NRXN3: variants seen among roughly 807,000 people sequenced by gnomAD.
NRXN3 encodes neurexin 3, also known as neurexin III.
A neutral mutation model predicts 137.6 loss-of-function variants in NRXN3; 32 were observed. The observed-to-expected ratio is 0.23, with a 90% CI of 0.18 to 0.31. The LOEUF is 0.31. NRXN3 is among the 10% of genes least tolerant of loss of function. The pLI, the probability that NRXN3 is intolerant of heterozygous loss-of-function variation, is 1.00. For synonymous variants in NRXN3, 798 were observed against 784.5 expected (o/e 1.02, Z -0.29); for missense variants, 1,574 against 2,062.5 (o/e 0.76, Z 4.59).
intron 19 of NRXN3, among the ~76,000 whole-genome samples, chr14:79,717,639 A>G (rs2098828027): frequency 6.6e-6 from 1 of 152,232 alleles, no homozygotes. Context: ...ACCTTCTGAA[A>G]ATAATGCTCC....
intron 10 of NRXN3, among the ~76,000 whole-genome samples, chr14:78,871,754 T>C (rs559340204): frequency 2.0e-5 from 3 of 152,260 alleles, no homozygotes; most frequent in Non-Finnish European, 4.4e-5. Context: ...CCCTGATTTA[T>C]CTACTCAGAC....
At chr14:78,702,497 T>G (rs1279890311) in intron 6 of NRXN3, among the ~76,000 whole-genome samples, 2 of 131,690 alleles carry the variant, frequency 1.5e-5, no homozygotes, top group Non-Finnish European at 3.1e-5. Flanking sequence ...CAGGCTGGAG[T>G]GTAGTGGTGC....
chr14:79,096,385 C>T lies in NRXN3; in HGVS notation c.3262+108244C>T, dbSNP rs775702215. Among the ~76,000 whole-genome samples, 7 of 152,206 alleles carry T rather than the reference C, an allele frequency of 4.6e-5. No homozygotes were observed. The East Asian group carries it at 9.7e-4, about 21-fold the overall frequency. On this transcript the variant is annotated intron_variant, in intron 15 of 20. Coordinates refer to ENST00000335750, the MANE Select transcript of NRXN3 (RefSeq NM_001330195.2). ...TTGGCCTCCCAAAGTGCTAGGATTA[C>T]AGGCATGAGCCACCGTGCCCGGCTT...
chr14:79,810,259 AT>A (rs1384867832), intron 20 of NRXN3, among the ~76,000 whole-genome samples: 3 of 152,128 alleles, frequency 2.0e-5, no homozygotes, highest in African/African-American at 7.2e-5. Flanking sequence ...AACCACATTG[AT>A]TCATCCAGTC....
At chr14:79,224,949 A>G (rs773132783) in intron 15 of NRXN3, among the ~76,000 whole-genome samples, 1 of 152,132 alleles carries the variant, frequency 6.6e-6, no homozygotes, top group Non-Finnish European at 1.5e-5. Context: ...TTAATCTATT[A>G]AGTCACCCAG....
chr14:78,758,487 A>C (rs2098678909), intron 8 of NRXN3, among the ~76,000 whole-genome samples: 1 of 152,136 alleles, frequency 6.6e-6, no homozygotes, highest in Non-Finnish European at 1.5e-5. Flanking sequence ...CCTATGAAAA[A>C]AATGGCCAAA....
At chr14:79,663,714 A>C (rs2098545299) in intron 16 of NRXN3, 64 bp from the exon 17 acceptor site, 1 of 1,457,532 alleles carries the variant, frequency 6.9e-7, no homozygotes, top group Non-Finnish European at 9.4e-7. Flanking sequence ...TTGGAGGATC[A>C]AGTTTAAAGG....
chr14:78,752,766 C>A (rs1305948058), intron 8 of NRXN3, among the ~76,000 whole-genome samples: 2 of 152,146 alleles, frequency 1.3e-5, no homozygotes, highest in Admixed American at 6.5e-5. Context: ...TGGGGCCTGA[C>A]CAGAGAGAGA....
At chr14:79,116,895 C>T (rs1331738674) in intron 15 of NRXN3, among the ~76,000 whole-genome samples, 2 of 152,224 alleles carry the variant, frequency 1.3e-5, no homozygotes, top group South Asian at 2.1e-4. Context: ...AAGTTATTCT[C>T]AGTCTTCCTT....
chr14:78,995,565 G>C (rs1363213915), intron 15 of NRXN3, among the ~76,000 whole-genome samples: 1 of 152,068 alleles, frequency 6.6e-6, no homozygotes, highest in Non-Finnish European at 1.5e-5. Flanking sequence ...AACATAAATT[G>C]AATAATAATA....
intron 1 of NRXN3, among the ~76,000 whole-genome samples, chr14:78,195,296 A>G (rs767176534): frequency 2.6e-5 from 4 of 152,034 alleles, no homozygotes; most frequent in African/African-American, 7.2e-5. Context: ...TGTTTGTTTA[A>G]TTGCTCGATT....
chr14:78,761,871 A>G (rs1464357290), intron 8 of NRXN3, among the ~76,000 whole-genome samples: 1 of 152,158 alleles, frequency 6.6e-6, no homozygotes, highest in Non-Finnish European at 1.5e-5. Context: ...GAAAGATGAA[A>G]AATAACAACC....
intron 15 of NRXN3, among the ~76,000 whole-genome samples, chr14:79,106,102 C>G (rs966633652): frequency 6.6e-6 from 1 of 152,034 alleles, no homozygotes; most frequent in African/African-American, 2.4e-5. Flanking sequence ...TAATCTCTCC[C>G]TATTCTGTCT....
intron 10 of NRXN3, among the ~76,000 whole-genome samples, chr14:78,853,068 G>A (rs965608592): frequency 2.6e-5 from 4 of 151,538 alleles, no homozygotes; most frequent in African/African-American, 4.9e-5. Context: ...TGTATCATAC[G>A]GTTTTTTTTA....
At chr14:78,686,224 TG>T (rs2098124799) in intron 6 of NRXN3, among the ~76,000 whole-genome samples, 1 of 152,258 alleles carries the variant, frequency 6.6e-6, no homozygotes, top group Non-Finnish European at 1.5e-5. Context: ...CTCTCTGGCA[TG>T]GCTTCCACAT....
At chr14:78,449,679 A>G (rs573886809) in intron 4 of NRXN3, among the ~76,000 whole-genome samples, 1 of 152,326 alleles carries the variant, frequency 6.6e-6, no homozygotes, top group African/African-American at 2.4e-5. Flanking sequence ...TAATATCTCC[A>G]TTGTACAGAT....
chr14:79,030,919 C>G (rs897168868), intron 15 of NRXN3, among the ~76,000 whole-genome samples: 1 of 151,896 alleles, frequency 6.6e-6, no homozygotes, highest in African/African-American at 2.4e-5. Flanking sequence ...CTGCCTCTCT[C>G]TGTTTGTATC....
intron 8 of NRXN3, among the ~76,000 whole-genome samples, chr14:78,771,196 A>T (rs893816162): frequency 6.6e-6 from 1 of 152,080 alleles, no homozygotes; most frequent in Non-Finnish European, 1.5e-5. Context: ...TGGAGCAAAA[A>T]CCACCTCTTG....
intron 20 of NRXN3, among the ~76,000 whole-genome samples, chr14:79,817,610 C>G (rs1051990187): frequency 2.0e-5 from 3 of 152,096 alleles, no homozygotes; most frequent in Non-Finnish European, 2.9e-5. Flanking sequence ...CACAGAGGAG[C>G]TAAGCAAATT....
Sources: allele counts gnomAD v4.1 joint callset (sites outside exome capture counted in the v4.1 genomes callset), GRCh38; gene constraint gnomAD v4.1.1; transcripts MANE v1.5; gene names NCBI Gene and HGNC (gene_info 2026-07-23, HGNC 2026-07-21).